ELOVL7: variants seen among roughly 807,000 people sequenced by gnomAD.
ELOVL7 encodes the protein very long chain fatty acid elongase 7.
A neutral mutation model predicts 35.7 loss-of-function variants in ELOVL7; 27 were observed. That is an observed-to-expected ratio of 0.76 (90% CI 0.56 to 1.04). ELOVL7 has a LOEUF of 1.04. ELOVL7 is among the 50% of genes least tolerant of loss of function. The pLI, the probability that ELOVL7 is intolerant of heterozygous loss-of-function variation, is 0.00. For missense variants in ELOVL7, 327 were observed against 340.8 expected (o/e 0.96, Z 0.32); for synonymous variants, 113 against 114.6 (o/e 0.99, Z 0.09).
intron 2 of ELOVL7, among the ~76,000 whole-genome samples, chr5:60,789,804 G>A (rs1434747133): frequency 1.3e-5 from 2 of 152,124 alleles, no homozygotes; most frequent in African/African-American, 2.4e-5. Context: ...ACCTCTCCAT[G>A]TACTGATATG....
At chr5:60,799,580 T>C (rs1744468118) in intron 1 of ELOVL7, among the ~76,000 whole-genome samples, 1 of 152,166 alleles carries the variant, frequency 6.6e-6, no homozygotes, top group Non-Finnish European at 1.5e-5. Flanking sequence ...AATAAATGGA[T>C]ACACTCCTAG....
chr5:60,811,415 G>A (rs1467832916), intron 1 of ELOVL7, among the ~76,000 whole-genome samples: 3 of 152,064 alleles, frequency 2.0e-5, no homozygotes, highest in African/African-American at 4.8e-5. Context: ...TAAGTAGAAG[G>A]TGTCTTCCTC....
At chr5:60,769,395 G>A (rs1236084350) in intron 4 of ELOVL7, among the ~76,000 whole-genome samples, 1 of 152,212 alleles carries the variant, frequency 6.6e-6, no homozygotes, top group Middle Eastern at 3.2e-3. Context: ...TCGAATGAAA[G>A]TTGTGAGACT....
At chr5:60,759,642 TTTA>T (rs964195489) in intron 7 of ELOVL7, among the ~76,000 whole-genome samples, 14 of 151,952 alleles carry the variant, frequency 9.2e-5, no homozygotes, top group African/African-American at 3.1e-4. Context: ...GTTTTTTTTA[TTTA>T]TTATTATTAT....
intron 1 of ELOVL7, among the ~76,000 whole-genome samples, chr5:60,806,453 G>A (rs1744930153): frequency 6.6e-6 from 1 of 151,992 alleles, no homozygotes; most frequent in African/African-American, 2.4e-5. Flanking sequence ...TAATATAGAA[G>A]GAGACATGGC....
chr5:60,807,728 G>A (rs984553529), intron 1 of ELOVL7, among the ~76,000 whole-genome samples: 5 of 152,008 alleles, frequency 3.3e-5, no homozygotes, highest in East Asian at 1.9e-4. Context: ...GGCCGGGCGC[G>A]GTGGTTCACG....
At chr5:60,841,512 C>T (rs1561481302) in intron 1 of ELOVL7, among the ~76,000 whole-genome samples, 1 of 152,180 alleles carries the variant, frequency 6.6e-6, no homozygotes, top group Non-Finnish European at 1.5e-5. Flanking sequence ...TCTCTCTCCT[C>T]AAGCCTCTCC....
intron 1 of ELOVL7, among the ~76,000 whole-genome samples, chr5:60,823,369 A>C (rs1745995742): frequency 6.6e-6 from 1 of 152,166 alleles, no homozygotes. Context: ...CGCCCATAGC[A>C]TGTACCATGT....
At position 60,754,570 on chromosome 5, in the gene ELOVL7, T is replaced by C. The variant is rs1741415516; in HGVS notation, c.*54A>G. 1 of 1,508,646 alleles carries C rather than the reference T, an allele frequency of 6.6e-7. No homozygotes were observed. Among genetic ancestry groups the C allele is most frequent in the South Asian group, 1.1e-5 (1 of 88,066 alleles). 93.5% of individuals were successfully genotyped at this position (1,508,646 alleles called of 1,614,324 possible). A position where few individuals can be genotyped will look rare whatever the true frequency, so the allele number is the denominator to read the frequency against. ...AATGCACTGCATAGGTAAATATCTC[T>C]TGATTGTCAAGGAAGACAATGTATC... On this transcript the variant is annotated 3_prime_UTR_variant, in exon 9 of 9. Coordinates refer to ENST00000508821, the MANE Select transcript of ELOVL7 (RefSeq NM_024930.3).
rs148203945 is a variant in ELOVL7 at position 60,828,417 on chromosome 5, T to C, written c.-86+15743A>G. ...ATTCTAAGAATAAATGGATTTTCTC[T>C]GCTTTATTAATTTAACAAAACATAT... On this transcript the variant is annotated intron_variant, in intron 1 of 8. Coordinates refer to ENST00000508821, the MANE Select transcript of ELOVL7 (RefSeq NM_024930.3). Among the ~76,000 whole-genome samples the C allele has an allele frequency of 5.9e-5, 9 of 152,344 alleles. No individual in the cohort carries two copies. In the East Asian group the frequency reaches 1.7e-3, roughly 29 times the overall value.
chr5:60,840,164 A>G (rs1394222908), intron 1 of ELOVL7, among the ~76,000 whole-genome samples: 1 of 152,180 alleles, frequency 6.6e-6, no homozygotes, highest in African/African-American at 2.4e-5. Context: ...TGAAAACCCT[A>G]TGGCAGGTTG....
At chr5:60,835,693 G>A (rs756465100) in intron 1 of ELOVL7, among the ~76,000 whole-genome samples, 5 of 151,998 alleles carry the variant, frequency 3.3e-5, no homozygotes, top group Non-Finnish European at 7.4e-5. Context: ...GATTACAGGC[G>A]TGAGCCACTG....
intron 1 of ELOVL7, among the ~76,000 whole-genome samples, chr5:60,799,894 G>A (rs566007604): frequency 9.9e-5 from 15 of 151,842 alleles, no homozygotes; most frequent in East Asian, 3.9e-4. Flanking sequence ...AAAATTAGCC[G>A]GGCATGGTGG....
intron 2 of ELOVL7, among the ~76,000 whole-genome samples, chr5:60,788,523 C>T (rs564313176): frequency 6.6e-6 from 1 of 152,054 alleles, no homozygotes; most frequent in South Asian, 2.1e-4. Context: ...ACCTGTAATC[C>T]CAGCACTTTG....
chr5:60,821,117 C>T (rs2112353194), intron 1 of ELOVL7, among the ~76,000 whole-genome samples: 1 of 152,286 alleles, frequency 6.6e-6, no homozygotes, highest in Admixed American at 6.5e-5. Flanking sequence ...AAATGAACAG[C>T]CATCCACTGT....
At chr5:60,796,566 C>A (rs570947974) in intron 2 of ELOVL7, among the ~76,000 whole-genome samples, 1 of 152,326 alleles carries the variant, frequency 6.6e-6, no homozygotes, top group Non-Finnish European at 1.5e-5. Flanking sequence ...AAGTTGAGAA[C>A]TATTGTTCTA....
At chr5:60,811,477 G>C (rs1561460561) in intron 1 of ELOVL7, among the ~76,000 whole-genome samples, 1 of 151,850 alleles carries the variant, frequency 6.6e-6, no homozygotes, top group Non-Finnish European at 1.5e-5. Flanking sequence ...TCCTGAAAGG[G>C]GAAATGGAAA....
Position 60,792,965 on chromosome 5 carries a change from C to T in ELOVL7, c.-34-5534G>A, listed in dbSNP as rs1744029953. 2.6e-5 allele frequency among the ~76,000 whole-genome samples: 4 copies of T among 152,152 alleles called. No homozygotes were observed. In the South Asian group the frequency reaches 8.3e-4, roughly 32 times the overall value. ...CATCCGAGGTCTGACCATGGCTGGC[C>T]TAAGTTTAGTGGAGGTGCCCCATAG... On this transcript the variant is annotated intron_variant, in intron 2 of 8. Coordinates refer to ENST00000508821, the MANE Select transcript of ELOVL7 (RefSeq NM_024930.3).
chr5:60,763,883 A>G (rs1275855861), intron 7 of ELOVL7, among the ~76,000 whole-genome samples: 1 of 151,946 alleles, frequency 6.6e-6, no homozygotes, highest in Non-Finnish European at 1.5e-5. Flanking sequence ...TGTTCTCTAT[A>G]CTCCTATAAA....
Sources: gnomAD v4.1 joint callset for allele counts (sites outside exome capture counted in the v4.1 genomes callset) on GRCh38, gnomAD v4.1.1 for gene constraint, MANE v1.5 for transcripts, NCBI Gene and HGNC (gene_info 2026-07-23, HGNC 2026-07-21) for gene names.